Variants in CYGB observed in about 807,000 individuals in gnomAD.
CYGB encodes the protein histoglobin.
Under a neutral mutation model 20.7 loss-of-function variants are expected in CYGB, and 13 were observed. That is an observed-to-expected ratio of 0.63 (90% confidence interval 0.41 to 1.00). The LOEUF (loss-of-function observed/expected upper bound fraction) is 1.00. Among genes scored for constraint, CYGB ranks in the 50% least tolerant of loss-of-function variants. The pLI is 0.00. For synonymous variants in CYGB, 93 were observed against 107.4 expected, an observed-to-expected ratio of 0.87 and a Z score of 0.83; for missense variants, 218 against 257.2, an observed-to-expected ratio of 0.85 and a Z score of 1.04.
In CYGB at chr17:76,545,394, CT is replaced by C. The variant is rs1441865438; in HGVS notation, c.-53+5467del. 16 of 456,510 alleles carry C rather than the reference CT, an allele frequency of 3.5e-5. No individual in the cohort carries two copies. The East Asian group carries it at 1.1e-3, about 32-fold the overall frequency. 28.3% of individuals were successfully genotyped at this position (456,510 alleles called of 1,614,324 possible). ...ACACTGTCCCCACTGAGGCTGAGTC[CT>C]TTTTCATCCCTTTCCTTGCAAAGAG... On this transcript the variant is annotated intron_variant, in intron 1 of 3. Transcript: ENST00000589145.
At chr17:76,542,928 C>T (rs375471364) in intron 1 of CYGB, 69 of 561,172 alleles carry the variant, frequency 1.2e-4, no homozygotes, top group Non-Finnish European at 2.2e-4. Flanking sequence ...TGTCGGAGGA[C>T]GCCCAAGGGA....
upstream of CYGB, chr17:76,540,250 T>TGGGGGGGGGGGGGGGGGGGGGGG: frequency 4.3e-6 from 2 of 463,674 alleles, no homozygotes; most frequent in South Asian, 2.2e-5. This position sits in a 1 kb window ranked among gnomAD's most constrained non-coding sequence, Gnocchi z 5.0. Context: ...TGGCGGTTGG[T>TGGGGGGGGGGGGGGGGGGGGGGG]CGGGGGGGGG....
rs941642570 is a variant in CYGB, at chr17:76,528,120, GTA to G, written c.*456_*457del. ...ATACACATTCTAGATATGTATGTGT[GTA>G]TATATATATGTATATATATATTTAT... On this transcript the variant is annotated 3_prime_UTR_variant, in exon 4 of 4. Transcript: ENST00000293230. The surrounding 1 kb of genome is among the most constrained non-coding windows in gnomAD (Gnocchi z 5.8). 3.6e-5 allele frequency: 14 copies of G among 387,426 alleles called. No homozygotes were observed. Among genetic ancestry groups the G allele is most frequent in the East Asian group, 4.4e-5 (1 of 22,964 alleles). 24.0% of individuals were successfully genotyped at this position (387,426 alleles called of 1,614,324 possible).
At chr17:76,542,568 G>C, upstream of CYGB, 2 of 1,614,220 alleles carry the variant, frequency 1.2e-6, no homozygotes, top group Non-Finnish European at 8.5e-7. Flanking sequence ...AAGAACCTCT[G>C]AAGTAAGCCC....
In CYGB at chr17:76,530,726, G is replaced by C. The variant is rs2074826719; in HGVS notation, c.539+253C>G. On this transcript the variant is annotated intron_variant, in intron 3 of 3. Coordinates refer to ENST00000293230, the MANE Select transcript of CYGB (RefSeq NM_134268.5). The surrounding 1 kb of genome is among the most constrained non-coding windows in gnomAD (Gnocchi z 6.1). ...GTGCTCTGAGCTCTCCCTGGCTCTA[G>C]GGAAGGGGAAGGCTCTTTGGGAGGA... Among the ~76,000 whole-genome samples the C allele has an allele frequency of 6.6e-6, 1 of 152,276 alleles. No homozygotes were observed. Among genetic ancestry groups the C allele is most frequent in the East Asian group, 1.9e-4 (1 of 5,172 alleles).
intron 1 of CYGB, among the ~76,000 whole-genome samples, chr17:76,537,062 A>C (rs1325750146): frequency 3.3e-5 from 5 of 152,128 alleles, no homozygotes; most frequent in African/African-American, 1.2e-4. Context: ...ACTACCTTTG[A>C]AAGGCCAGAA....
chr17:76,539,134 G>A (rs545890695), upstream of CYGB, among the ~76,000 whole-genome samples: 9 of 152,220 alleles, frequency 5.9e-5, no homozygotes, highest in African/African-American at 2.2e-4. Context: ...GGCTGGAGGG[G>A]AGCGGGTGGG....
intron 1 of CYGB, 75 bp downstream of exon 1, chr17:76,537,325 G>T: frequency 1.4e-6 from 2 of 1,431,630 alleles, no homozygotes; most frequent in Non-Finnish European, 1.8e-6. Context: ...GCTCGGACCC[G>T]GGCCCAGCCC....
chr17:76,542,605 C>T (rs754328284), upstream of CYGB: 13 of 1,613,906 alleles, frequency 8.1e-6, no homozygotes, highest in Non-Finnish European at 1.1e-5. Context: ...GGCTCAGGCC[C>T]AGAGACTGGG....
At chr17:76,542,506 G>C, upstream of CYGB, 1 of 1,612,732 alleles carries the variant, frequency 6.2e-7, no homozygotes, top group South Asian at 1.1e-5. Context: ...AGAAACATGG[G>C]AAGGTCGTGC....
intron 1 of CYGB, chr17:76,545,103 G>A (rs1331817735): frequency 1.3e-5 from 6 of 455,564 alleles, no homozygotes; most frequent in African/African-American, 8.0e-5. Context: ...TTTGGTGGGA[G>A]CAGATTGTGT....
intron 1 of CYGB, among the ~76,000 whole-genome samples, chr17:76,532,305 C>T (rs1474085504): frequency 6.6e-6 from 1 of 152,176 alleles, no homozygotes; most frequent in African/African-American, 2.4e-5. Context: ...GGAAAATGTT[C>T]CTCGGGTGAG....
At chr17:76,543,143 C>T (rs925035131) in intron 1 of CYGB, 9 of 467,728 alleles carry the variant, frequency 1.9e-5, no homozygotes, top group East Asian at 7.0e-5. Context: ...CCTCTCAGCC[C>T]GGGACCTGCC....
intron 1 of CYGB, chr17:76,545,620 C>T: frequency 3.0e-6 from 1 of 333,646 alleles, no homozygotes; most frequent in Non-Finnish European, 5.9e-6. Flanking sequence ...CCAGCACATC[C>T]TACCTCTGTG....
chr17:76,539,589 G>A (rs987300865), upstream of CYGB, among the ~76,000 whole-genome samples: 12 of 152,128 alleles, frequency 7.9e-5, no homozygotes, highest in Admixed American at 2.0e-4. Flanking sequence ...ATGCTTCCAC[G>A]GTGACATCAT....
chr17:76,544,187 CA>C (rs756839135), intron 1 of CYGB: 33 of 454,408 alleles, frequency 7.3e-5, no homozygotes, highest in Non-Finnish European at 1.4e-4. Context: ...TATTAGTCTT[CA>C]AAAACCCCCC....
chr17:76,541,714 C>T (rs1193948083), upstream of CYGB, among the ~76,000 whole-genome samples: 1 of 152,206 alleles, frequency 6.6e-6, no homozygotes, highest in Non-Finnish European at 1.5e-5. Flanking sequence ...AATGACCACC[C>T]CTGGGCCTCC....
chr17:76,540,251 C>CGGG (rs757827110), upstream of CYGB: 13 of 871,126 alleles, frequency 1.5e-5, 1 homozygote, highest in African/African-American at 4.5e-5. The surrounding 1 kb of genome is among the most constrained non-coding windows in gnomAD (Gnocchi z 5.0). Context: ...GGCGGTTGGT[C>CGGG]GGGGGGGGGG....
At chr17:76,538,719 G>A (rs1429796716), upstream of CYGB, among the ~76,000 whole-genome samples, 3 of 152,238 alleles carry the variant, frequency 2.0e-5, no homozygotes, top group Admixed American at 1.3e-4. Flanking sequence ...GGCAGTGTGA[G>A]ATTGGGCCAG....
Sources: allele counts gnomAD v4.1 joint callset (sites outside exome capture counted in the v4.1 genomes callset), GRCh38; gene constraint gnomAD v4.1.1; non-coding constraint Gnocchi (gnomAD v3.1); transcripts MANE v1.5; gene names NCBI Gene and HGNC (gene_info 2026-07-23, HGNC 2026-07-21).